Variants in LRRC4C observed in about 807,000 individuals in gnomAD.
The protein encoded by LRRC4C is leucine rich repeat containing 4C.
Under a neutral mutation model 33.6 loss-of-function variants are expected in LRRC4C, and 5 were observed. The ratio of observed to expected loss-of-function variants is 0.15; its 90% CI spans 0.08 to 0.31. LRRC4C has a LOEUF of 0.31. Among genes scored for constraint, LRRC4C ranks in the 10% least tolerant of loss-of-function variants. The pLI is 1.00. For synonymous variants in LRRC4C, 329 were observed against 302.0 expected, an observed-to-expected ratio of 1.09 and a Z score of -0.93; for missense variants, 560 against 796.7, an observed-to-expected ratio of 0.70 and a Z score of 3.58.
intron 3 of LRRC4C, among the ~76,000 whole-genome samples, chr11:40,616,164 C>A (rs967021480): frequency 2.0e-5 from 3 of 152,016 alleles, no homozygotes; most frequent in Non-Finnish European, 2.9e-5. Flanking sequence ...AAAAAATGCT[C>A]ATCATCACTG....
intron 2 of LRRC4C, among the ~76,000 whole-genome samples, chr11:40,666,230 A>C (rs7946874): frequency 0.41 from 62,569 of 151,940 alleles, 13,385 homozygotes; most frequent in East Asian, 0.61. Flanking sequence ...GCAAGTTAAC[A>C]AATGTATCTC....
chr11:40,403,444 C>A (rs1236058705), intron 3 of LRRC4C, among the ~76,000 whole-genome samples: 3 of 152,074 alleles, frequency 2.0e-5, no homozygotes, highest in African/African-American at 7.2e-5. Context: ...TCAAAGCTGT[C>A]ATTTATATAG....
chr11:41,388,457 T>A (rs1042277736), intron 1 of LRRC4C, among the ~76,000 whole-genome samples: 29 of 151,832 alleles, frequency 1.9e-4, no homozygotes, highest in African/African-American at 7.0e-4. Context: ...GATGTGCAAA[T>A]AATCATGGTA....
rs5791367 is a variant in LRRC4C, at chr11:40,287,256, ATGTGTGTGTGTGTG to A, written c.-176+32358_-176+32371del. On this transcript the variant is annotated intron_variant, in intron 4 of 6. Transcript: ENST00000528697. Reference sequence around the variant, plus strand: ...TAAGGAAGCAACTTAATGTCACTGTATGTGTGTGTGTGTGTGTGTGTGTGTGTGTGTGTGTGTAT... The same window carrying A: ...TAAGGAAGCAACTTAATGTCACTGTATGTGTGTGTGTGTGTGTGTGTGTAT... Among the ~76,000 whole-genome samples, 11 of 144,874 alleles carry A rather than the reference ATGTGTGTGTGTGTG, an allele frequency of 7.6e-5. 3 individuals carry two copies. Among genetic ancestry groups the A allele is most frequent in the African/African-American group, 2.3e-4 (9 of 39,292 alleles).
At chr11:40,177,701 T>A (rs1425241417) in intron 5 of LRRC4C, among the ~76,000 whole-genome samples, 1 of 152,238 alleles carries the variant, frequency 6.6e-6, no homozygotes, top group African/African-American at 2.4e-5. Flanking sequence ...TTTTCTCTTA[T>A]GCAGTTCCAT....
intron 2 of LRRC4C, among the ~76,000 whole-genome samples, chr11:40,830,107 C>T (rs1303569080): frequency 1.3e-5 from 2 of 151,836 alleles, no homozygotes; most frequent in African/African-American, 2.4e-5. Flanking sequence ...AAAACAAGCA[C>T]GGGCTATTAA....
intron 1 of LRRC4C, among the ~76,000 whole-genome samples, chr11:41,351,270 C>T (rs56199428): frequency 7.2e-6 from 1 of 138,790 alleles, no homozygotes; most frequent in Admixed American, 7.5e-5. Flanking sequence ...CACACACACA[C>T]ATACATTTTC....
intron 3 of LRRC4C, among the ~76,000 whole-genome samples, chr11:40,644,204 T>C (rs567514258): frequency 5.9e-5 from 9 of 151,756 alleles, no homozygotes; most frequent in African/African-American, 2.2e-4. Context: ...AGGCAAAGAG[T>C]TCTTAGACTG....
chr11:41,240,004 G>T (rs979096521), intron 1 of LRRC4C, among the ~76,000 whole-genome samples: 1 of 152,086 alleles, frequency 6.6e-6, no homozygotes, highest in Admixed American at 6.6e-5. Context: ...AAATTGTGTT[G>T]TGTCCAATAT....
chr11:40,418,470 G>A (rs1166312423), intron 3 of LRRC4C, among the ~76,000 whole-genome samples: 1 of 152,148 alleles, frequency 6.6e-6, no homozygotes, highest in East Asian at 1.9e-4. Context: ...ATAGATGCTG[G>A]CTAGGCTGTG....
chr11:41,009,817 A>G (rs1179997317), intron 1 of LRRC4C, among the ~76,000 whole-genome samples: 8 of 152,130 alleles, frequency 5.3e-5, no homozygotes, highest in African/African-American at 1.9e-4. Context: ...GTTCCCCCAA[A>G]AAAGATATGT....
intron 3 of LRRC4C, among the ~76,000 whole-genome samples, chr11:40,441,985 A>C (rs867282166): frequency 5.3e-5 from 8 of 152,054 alleles, no homozygotes; most frequent in Middle Eastern, 3.4e-3. Flanking sequence ...ACACGGTGAA[A>C]CCCCATCTCT....
chr11:40,312,014 C>CTCAGCATCT (rs1266301848), intron 4 of LRRC4C, among the ~76,000 whole-genome samples: 1 of 148,936 alleles, frequency 6.7e-6, no homozygotes, highest in Admixed American at 6.7e-5. Context: ...TTTTGTATGT[C>CTCAGCATCT]TCAGCATCTT....
At chr11:40,218,833 T>C (rs1189302253) in intron 5 of LRRC4C, among the ~76,000 whole-genome samples, 1 of 151,862 alleles carries the variant, frequency 6.6e-6, no homozygotes, top group Non-Finnish European at 1.5e-5. Context: ...ATCTCCTACC[T>C]TTCTCCACAC....
At chr11:40,382,694 T>TC (rs1322527379) in intron 3 of LRRC4C, among the ~76,000 whole-genome samples, 1 of 131,170 alleles carries the variant, frequency 7.6e-6, no homozygotes, top group Non-Finnish European at 1.6e-5. Flanking sequence ...ATTTTTTTTT[T>TC]TTTTTTTTTT....
intron 3 of LRRC4C, among the ~76,000 whole-genome samples, chr11:40,587,413 G>A (rs1237784071): frequency 5.7e-4 from 85 of 147,982 alleles, no homozygotes; most frequent in Admixed American, 1.3e-3. Context: ...CAATCATGTC[G>A]TCTGCAAACA....
At chr11:41,186,954 T>A (rs1165215665) in intron 1 of LRRC4C, among the ~76,000 whole-genome samples, 1 of 152,202 alleles carries the variant, frequency 6.6e-6, no homozygotes, top group Admixed American at 6.5e-5. Flanking sequence ...AAACAGATAA[T>A]TCTGGAAGAA....
chr11:40,304,011 G>A (rs1458437314), intron 4 of LRRC4C, among the ~76,000 whole-genome samples: 1 of 152,170 alleles, frequency 6.6e-6, no homozygotes, highest in Non-Finnish European at 1.5e-5. Context: ...TGAAATTGAT[G>A]ACATCTTACA....
At chr11:40,356,715 G>T (rs1947687678) in intron 3 of LRRC4C, among the ~76,000 whole-genome samples, 1 of 152,070 alleles carries the variant, frequency 6.6e-6, no homozygotes, top group African/African-American at 2.4e-5. Context: ...CTTGGTACTG[G>T]GGATTTTTCT....
Sources: gnomAD v4.1 joint callset for allele counts (sites outside exome capture counted in the v4.1 genomes callset) on GRCh38, gnomAD v4.1.1 for gene constraint, MANE v1.5 for transcripts, NCBI Gene and HGNC (gene_info 2026-07-23, HGNC 2026-07-21) for gene names.